The following CLTCL1 variants were observed in gnomAD, a reference collection of about 807,000 sequenced individuals.
The protein encoded by CLTCL1 is clathrin heavy chain like 1.
Under a neutral mutation model 190.0 loss-of-function variants are expected in CLTCL1, and 159 were observed. The observed-to-expected ratio is 0.84, with a 90% CI of 0.74 to 0.95. The LOEUF is 0.95. Ranked by LOEUF, CLTCL1 falls within the 40% of genes least tolerant of loss-of-function variation. The pLI is 0.00. For synonymous variants in CLTCL1, 752 were observed against 769.6 expected (o/e 0.98, Z 0.38); for missense variants, 1,878 against 2,033.4 (o/e 0.92, Z 1.47).
At chr22:19,282,224 G>T (rs1268686465) in intron 1 of CLTCL1, among the ~76,000 whole-genome samples, 6 of 151,860 alleles carry the variant, frequency 4.0e-5, no homozygotes, top group Non-Finnish European at 7.4e-5. Flanking sequence ...AGCTACTCGG[G>T]AGGCTGAGGC....
At chr22:19,204,891 A>G (rs916142438) in intron 22 of CLTCL1, among the ~76,000 whole-genome samples, 2 of 152,120 alleles carry the variant, frequency 1.3e-5, no homozygotes, top group African/African-American at 4.8e-5. Flanking sequence ...CACTATGAAC[A>G]TAGGTAAAGA....
Position 19,232,562 on chromosome 22 carries a change from C to G in CLTCL1, c.1558G>C (p.Gly520Arg), listed in dbSNP as rs1337448910. The G allele has an allele frequency of 1.2e-6, 2 of 1,613,702 alleles. No homozygotes were observed. Among genetic ancestry groups the G allele is most frequent in the African/African-American group, 2.7e-5 (2 of 74,916 alleles). ...YTPDWIFLLR[G>R]VMKISPEQGL... The stretch of plus-strand genomic sequence containing the variant: ...TGTTCCGGACTGATCTTCATTACAC[C>G]CCTCAGCAGAAAGATCCAGTCTGGG... The change falls in exon 10 of 33, where the codon GGT becomes CGT. Residue 520 changes from glycine (G) to arginine (R), a missense_variant. Physicochemically the swap from Gly to Arg is moderately radical, Grantham distance 125. Coordinates refer to ENST00000427926, the MANE Select transcript of CLTCL1 (RefSeq NM_007098.4).
intron 14 of CLTCL1, 97 bp downstream of exon 14, chr22:19,223,794 A>G (rs2085650165): frequency 3.4e-6 from 5 of 1,453,144 alleles, no homozygotes; most frequent in Non-Finnish European, 2.8e-6. Flanking sequence ...CTGGCGAGAC[A>G]GATCCAGCTT....
intron 22 of CLTCL1, among the ~76,000 whole-genome samples, chr22:19,202,440 G>A (rs2084919984): frequency 1.4e-5 from 2 of 147,808 alleles, no homozygotes; most frequent in East Asian, 2.0e-4. Flanking sequence ...CCCTCCTTCC[G>A]CCATCCACGG....
At chr22:19,203,912 C>G (rs1167467793) in intron 22 of CLTCL1, among the ~76,000 whole-genome samples, 2 of 152,232 alleles carry the variant, frequency 1.3e-5, no homozygotes, top group Non-Finnish European at 2.9e-5. Context: ...CTTGACCCGC[C>G]CTCACTGCTT....
At position 19,183,388 on chromosome 22, in the gene CLTCL1, A is replaced by G; in HGVS notation, c.4827+2T>C. 6.2e-7 allele frequency: 1 copy of G among 1,612,698 alleles called. No homozygotes were observed. Among genetic ancestry groups the G allele is most frequent in the South Asian group, 1.1e-5 (1 of 90,968 alleles). On this transcript the variant is annotated splice_donor_variant, in intron 30 of 32. Coordinates refer to ENST00000427926, the MANE Select transcript of CLTCL1 (RefSeq NM_007098.4). LOFTEE classifies it high-confidence loss of function. ...GGGAGCTGCAGCCGGCCCGGCACCT[A>G]CCTTGCTCAGGTACTCCCTCATCAC...
chr22:19,194,173 G>A (rs1386395532), intron 26 of CLTCL1, among the ~76,000 whole-genome samples: 5 of 152,114 alleles, frequency 3.3e-5, no homozygotes, highest in African/African-American at 1.2e-4. Context: ...AGTGCTGATT[G>A]GTGTACTTAC....
Position 19,201,348 on chromosome 22 carries a change from C to CT in CLTCL1, c.3745dup (p.Ser1249LysfsTer34). On this transcript the variant is annotated frameshift_variant, in exon 23 of 33. Transcript: ENST00000427926. LOFTEE classifies it high-confidence loss of function. ...GCTCACCTCCTTCCACGTCCGGGTG[C>CT]TGCTGGCCTTGCGGCTGTTGTCCAC... 6.2e-7 allele frequency: 1 copy of CT among 1,612,768 alleles called. No homozygotes were observed. Among genetic ancestry groups the CT allele is most frequent in the Middle Eastern group, 1.8e-4 (1 of 5,688 alleles).
At position 19,234,558 on chromosome 22, in the gene CLTCL1, G is replaced by T. The variant is rs782416393; in HGVS notation, c.1118C>A (p.Ala373Glu). The T allele has an allele frequency of 1.2e-5, 19 of 1,613,980 alleles. No individual in the cohort carries two copies. The East Asian group carries it at 4.2e-4, about 36-fold the overall frequency. The change falls in exon 7 of 33, where the codon GCA becomes GAA. Residue 373 changes from alanine (A) to glutamate (E), a missense_variant. Physicochemically the swap from Ala to Glu is moderately radical, Grantham distance 107 (BLOSUM62 -1). Transcript: ENST00000427926. ...GGCGGCTTCAGCATAGCTGCCCTGT[G>T]CAAAGAGGGTATTGAATTTTCTCAC... is the stretch of plus-strand genomic sequence containing the variant. ...LFVRKFNTLF[A>E]QGSYAEAAKV...
intron 23 of CLTCL1, among the ~76,000 whole-genome samples, chr22:19,200,739 A>T (rs5748038): frequency 6.6e-6 from 1 of 152,054 alleles, no homozygotes; most frequent in Non-Finnish European, 1.5e-5. Context: ...CTACTGGGGG[A>T]GCTGAGGCAG....
intron 2 of CLTCL1, among the ~76,000 whole-genome samples, chr22:19,255,892 A>T (rs1290189860): frequency 6.6e-6 from 1 of 150,814 alleles, no homozygotes; most frequent in Non-Finnish European, 1.5e-5. Flanking sequence ...CCTGACCGAC[A>T]GAGTAAGACT....
At chr22:19,234,766 G>T (rs1555961163) in intron 6 of CLTCL1, 60 bp from the exon 7 acceptor site, 1 of 1,413,544 alleles carries the variant, frequency 7.1e-7, no homozygotes, top group Non-Finnish European at 9.9e-7. Context: ...CCATCCCTCT[G>T]CCATGTTCCC....
At chr22:19,265,657 T>C (rs1310023073) in intron 2 of CLTCL1, among the ~76,000 whole-genome samples, 1 of 152,162 alleles carries the variant, frequency 6.6e-6, no homozygotes, top group Non-Finnish European at 1.5e-5. Context: ...TCATTTGTGA[T>C]GTTAGGATGC....
Position 19,241,106 on chromosome 22 carries a change from C to T in CLTCL1, c.681+1669G>A, listed in dbSNP as rs182335008. ...TCCAGGACAGGTACTGTCAGGAAAC[C>T]GCATTTCCCAGGCTCTCTGGGTCAC... On this transcript the variant is annotated intron_variant, in intron 4 of 32. Transcript: ENST00000427926. Among the ~76,000 whole-genome samples the T allele has an allele frequency of 3.8e-4, 58 of 152,314 alleles. 1 individual carries two copies. In the East Asian group the frequency reaches 6.0e-3, roughly 16 times the overall value.
chr22:19,222,205 C>G (rs1294648825), intron 15 of CLTCL1, 112 bp from the exon 16 acceptor site: 2 of 1,079,080 alleles, frequency 1.9e-6, no homozygotes, highest in Non-Finnish European at 2.7e-6. Context: ...CTGTTTAGCA[C>G]TGCGCTGTGT....
chr22:19,181,920 G>A (rs903982670), intron 30 of CLTCL1: 15 of 152,256 alleles, frequency 9.9e-5, no homozygotes, highest in African/African-American at 3.4e-4. Flanking sequence ...CCTGGGCCAA[G>A]GCTGTGCAGC....
rs5748074 is a variant in CLTCL1, at chr22:19,249,540, A to C, written c.519+4419T>G. On this transcript the variant is annotated intron_variant, in intron 3 of 32. Coordinates refer to ENST00000427926, the MANE Select transcript of CLTCL1 (RefSeq NM_007098.4). ...AAACCCTGTCTCTACTAAAAACACA[A>C]AAAAAATTAGCCAGGCATGGTGGTG... 9.5e-3 allele frequency among the ~76,000 whole-genome samples: 1,437 copies of C among 151,760 alleles called. 34 individuals carry two copies. The highest frequency in any genetic ancestry group is 0.067 in the East Asian group (346 of 5,128).
intron 12 of CLTCL1, among the ~76,000 whole-genome samples, chr22:19,225,874 T>G (rs1344463677): frequency 2.0e-5 from 3 of 152,252 alleles, no homozygotes; most frequent in Non-Finnish European, 4.4e-5. Context: ...CTAAAACTTA[T>G]TCCATAAATT....
At chr22:19,226,191 A>G in intron 12 of CLTCL1, 28 bp downstream of exon 12, 2 of 1,608,300 alleles carry the variant, frequency 1.2e-6, no homozygotes, top group Non-Finnish European at 1.7e-6. Flanking sequence ...CAACAGCCAT[A>G]ATAGGAGTGC....
Sources: gnomAD v4.1 joint callset for allele counts (sites outside exome capture counted in the v4.1 genomes callset) on GRCh38, gnomAD v4.1.1 for gene constraint, MANE v1.5 for transcripts, NCBI Gene and HGNC (gene_info 2026-07-23, HGNC 2026-07-21) for gene names.